LRRC37A2: variants seen among roughly 807,000 people sequenced by gnomAD.
The protein encoded by LRRC37A2 is leucine rich repeat containing 37 member A2.
Under a neutral mutation model 68.8 loss-of-function variants are expected in LRRC37A2, and 9 were observed. That is an observed-to-expected ratio of 0.13 (90% CI 0.08 to 0.23). LRRC37A2 has a LOEUF of 0.23. Ranked by LOEUF, LRRC37A2 falls within the 10% of genes least tolerant of loss-of-function variation. LRRC37A2 has a pLI of 1.00. For missense variants in LRRC37A2, 168 were observed against 950.4 expected (o/e 0.18, Z 10.82); for synonymous variants, 63 against 367.6 (o/e 0.17, Z 9.48).
At chr17:46,453,899 T>C in the LRRC37A2 span, among the ~76,000 whole-genome samples, 23 of 40,092 alleles carry the variant, frequency 5.7e-4, no homozygotes, top group African/African-American at 2.7e-3. Flanking sequence ...ATTATAGTTC[T>C]AAAGCAGACT....
At chr17:46,709,391 A>G in the LRRC37A2 span, among the ~76,000 whole-genome samples, 2 of 152,138 alleles carry the variant, frequency 1.3e-5, no homozygotes, top group Admixed American at 6.5e-5. Context: ...CACGTTATAT[A>G]TCTTGGGAGA....
At chr17:46,943,173 C>A in the LRRC37A2 span, among the ~76,000 whole-genome samples, 11 of 152,056 alleles carry the variant, frequency 7.2e-5, no homozygotes, top group Admixed American at 4.6e-4. Context: ...TTCCCCTGGC[C>A]GCACCGTGGG....
the LRRC37A2 span, among the ~76,000 whole-genome samples, chr17:46,494,660 T>A: frequency 6.6e-6 from 1 of 151,556 alleles, no homozygotes; most frequent in Non-Finnish European, 1.5e-5. Flanking sequence ...TTGATTTTGT[T>A]GTGGTCGTTG....
chr17:46,743,211 A>G, the LRRC37A2 span, among the ~76,000 whole-genome samples: 9 of 152,036 alleles, frequency 5.9e-5, no homozygotes, highest in Non-Finnish European at 1.3e-4. Context: ...TCTCTGCGTC[A>G]TTTGCTGCCA....
the LRRC37A2 span, among the ~76,000 whole-genome samples, chr17:46,991,820 C>G: frequency 1.3e-5 from 2 of 152,224 alleles, no homozygotes; most frequent in African/African-American, 4.8e-5. Context: ...TGAAACACAG[C>G]TATGTGCATT....
the LRRC37A2 span, among the ~76,000 whole-genome samples, chr17:46,892,396 C>T: frequency 1.3e-5 from 2 of 152,192 alleles, no homozygotes; most frequent in Non-Finnish European, 2.9e-5. Flanking sequence ...ATGCTGACCA[C>T]GTGTTCCCAG....
At chr17:46,442,478 AACTT>A in the LRRC37A2 span, among the ~76,000 whole-genome samples, 8 of 30,050 alleles carry the variant, frequency 2.7e-4, 1 homozygote, top group African/African-American at 8.2e-4. Context: ...AATTGACATA[AACTT>A]ACTTAAAGTG....
At chr17:47,017,996 C>T in the LRRC37A2 span, 1 of 1,493,414 alleles carries the variant, frequency 6.7e-7, no homozygotes, top group Admixed American at 1.7e-5. Context: ...CTCCAGAGTC[C>T]TCTATGGAGA....
At chr17:46,768,411 C>A in the LRRC37A2 span, 1 of 1,613,952 alleles carries the variant, frequency 6.2e-7, no homozygotes, top group Non-Finnish European at 8.5e-7. The surrounding 1 kb of genome is among the most constrained non-coding windows in gnomAD (Gnocchi z 5.0). Flanking sequence ...TTTTTCCTTC[C>A]GCTTCTCCGT....
chr17:46,834,804 C>T, the LRRC37A2 span, among the ~76,000 whole-genome samples: 2 of 152,138 alleles, frequency 1.3e-5, no homozygotes, highest in Non-Finnish European at 2.9e-5. Context: ...TTCCCCCACG[C>T]TAATATACTC....
At chr17:46,635,784 T>TGTGTGTGTGTGTGTG in the LRRC37A2 span, among the ~76,000 whole-genome samples, 5 of 132,836 alleles carry the variant, frequency 3.8e-5, 1 homozygote, top group African/African-American at 1.4e-4. Context: ...TAAATGTGTG[T>TGTGTGTGTGTGTGTG]GTGTGTGTGT....
intron 6 of LRRC37A2, among the ~76,000 whole-genome samples, chr17:46,531,867 A>G (rs1274945158): frequency 8.0e-6 from 1 of 125,654 alleles, no homozygotes; most frequent in Non-Finnish European, 1.6e-5. Flanking sequence ...TTTGGAGAAG[A>G]AAAAACTGTT....
At chr17:46,715,909 G>A in the LRRC37A2 span, among the ~76,000 whole-genome samples, 2 of 152,026 alleles carry the variant, frequency 1.3e-5, no homozygotes, top group Admixed American at 6.6e-5. Flanking sequence ...TTCACTGTCC[G>A]GATCATCCGT....
the LRRC37A2 span, chr17:46,940,959 C>T: frequency 3.6e-5 from 45 of 1,235,604 alleles, no homozygotes; most frequent in East Asian, 2.8e-4. Context: ...CTCTCTCCAC[C>T]GCCTCAGTGT....
chr17:46,846,630 C>A, the LRRC37A2 span, among the ~76,000 whole-genome samples: 3 of 152,224 alleles, frequency 2.0e-5, no homozygotes, highest in African/African-American at 7.2e-5. Context: ...TGGGGGGCCA[C>A]CAAAGGGCTG....
chr17:46,718,330 G>A, the LRRC37A2 span, among the ~76,000 whole-genome samples: 1 of 151,808 alleles, frequency 6.6e-6, no homozygotes, highest in African/African-American at 2.4e-5. Context: ...CTCAGTGAAA[G>A]CTGATTAAAA....
the LRRC37A2 span, among the ~76,000 whole-genome samples, chr17:46,828,795 CAAA>C: frequency 9.0e-6 from 1 of 110,530 alleles, no homozygotes. Context: ...CCTATCTCTA[CAAA>C]AAAAAAAAAA....
At chr17:46,998,584 A>G in the LRRC37A2 span, 2 of 152,202 alleles carry the variant, frequency 1.3e-5, no homozygotes, top group African/African-American at 4.8e-5. Flanking sequence ...TCCCTGAGGC[A>G]CCTGACCTGG....
At chr17:46,543,548 C>A (rs1325383324) in intron 8 of LRRC37A2, among the ~76,000 whole-genome samples, 1 of 150,964 alleles carries the variant, frequency 6.6e-6, no homozygotes, top group Middle Eastern at 3.4e-3. Flanking sequence ...TGATGATAGT[C>A]CTCTGGTTAT....
Sources: gnomAD v4.1 joint callset for allele counts (sites outside exome capture counted in the v4.1 genomes callset) on GRCh38, gnomAD v4.1.1 for gene constraint, Gnocchi (gnomAD v3.1) non-coding constraint, MANE v1.5 for transcripts, NCBI Gene and HGNC (gene_info 2026-07-23, HGNC 2026-07-21) for gene names.